LTF: variants seen among roughly 807,000 people sequenced by gnomAD.
The protein encoded by LTF is lactotransferrin.
A neutral mutation model predicts 87.2 loss-of-function variants in LTF; 91 were observed. That is an observed-to-expected ratio of 1.04 (90% confidence interval 0.88 to 1.24). LTF has a LOEUF of 1.24. Among genes scored for constraint, LTF ranks in the 50% most tolerant of loss-of-function variants. The pLI is 0.00. For missense variants in LTF, 901 were observed against 904.3 expected, an observed-to-expected ratio of 1.00 and a Z score of 0.05; for synonymous variants, 378 against 356.1, an observed-to-expected ratio of 1.06 and a Z score of -0.69.
chr3:46,450,498 T>G lies in LTF; in HGVS notation c.879A>C (p.Ala293=), dbSNP rs1479686755. 2 of 1,609,976 alleles carry G rather than the reference T, an allele frequency of 1.2e-6. No individual in the cohort carries two copies. The highest frequency in any genetic ancestry group is 3.4e-5 in the Admixed American group (2 of 59,628). The change falls in exon 7 of 17, where the codon GCA becomes GCC. Residue 293 remains alanine (A), a synonymous_variant. Transcript: ENST00000231751. The part of the protein sequence containing the change: ...EDAIWNLLRQ[A]QEKFGKDKSP... ...GGAGGACCGTGGGTGAAGATACCTGTGCCTGGCGGAGAAGATTCCAGATGG... is the reference window on the plus strand; with the variant it reads ...GGAGGACCGTGGGTGAAGATACCTGGGCCTGGCGGAGAAGATTCCAGATGG...
chr3:46,446,332 T>C, intron 11 of LTF, 108 bp downstream of exon 11: 1 of 816,784 alleles, frequency 1.2e-6, no homozygotes. Flanking sequence ...AGAAGCCCTA[T>C]AGCTTCTAGG....
intron 1 of LTF, among the ~76,000 whole-genome samples, chr3:46,462,442 G>A (rs1703106551): frequency 6.6e-6 from 1 of 152,152 alleles, no homozygotes; most frequent in South Asian, 2.1e-4. Flanking sequence ...TGTGGCTTGT[G>A]GAAGTTCCCA....
rs145365157 is a variant in LTF, at chr3:46,450,289, C to T, written c.882+206G>A. On this transcript the variant is annotated intron_variant, in intron 7 of 16. Transcript: ENST00000231751. ...GACCACCCCCTGCTTCTGCTCCCAT[C>T]ATAAGACGCTGTCAGCCCGTGTGAC... Among the ~76,000 whole-genome samples the T allele has an allele frequency of 3.9e-3, 590 of 152,240 alleles. 1 individual carries two copies. The highest frequency in any genetic ancestry group is 0.037 in the Middle Eastern group (11 of 294).
rs1702377545 is a variant in LTF, at chr3:46,436,040, T to A, written c.*155A>T. ...ATATCAACAAAATTTCTCATTTTAC[T>A]TCTTGCTAAGACGACAGCAGGGAAT... On this transcript the variant is annotated 3_prime_UTR_variant, in exon 17 of 17. Coordinates refer to ENST00000231751, the MANE Select transcript of LTF (RefSeq NM_002343.6). 1.0e-5 allele frequency: 7 copies of A among 688,152 alleles called. No individual in the cohort carries two copies. The South Asian group carries it at 1.2e-4, about 12-fold the overall frequency. 42.6% of individuals were successfully genotyped at this position (688,152 alleles called of 1,614,324 possible). A position where few individuals can be genotyped will look rare whatever the true frequency, so the allele number is the denominator to read the frequency against.
At chr3:46,456,442 C>A in intron 2 of LTF, 44 bp from the exon 3 acceptor site, 1 of 1,534,766 alleles carries the variant, frequency 6.5e-7, no homozygotes, top group South Asian at 1.1e-5. Flanking sequence ...AAAACTCACC[C>A]AAACCCAGCA....
upstream of LTF, among the ~76,000 whole-genome samples, chr3:46,467,445 A>G (rs1373221588): frequency 6.6e-6 from 1 of 151,976 alleles, no homozygotes; most frequent in Admixed American, 6.6e-5. Flanking sequence ...AGGGCTCCAG[A>G]AGAACTCCAG....
intron 1 of LTF, chr3:46,463,558 A>G (rs1703139075): frequency 1.0e-6 from 1 of 985,424 alleles, no homozygotes; most frequent in Non-Finnish European, 1.2e-6. Context: ...GGTACAAGCC[A>G]CCATCCCAAT....
Position 46,464,807 on chromosome 3 carries a change from C to G in LTF, c.43+18G>C, listed in dbSNP as rs751406002. The G allele has an allele frequency of 3.7e-6, 6 of 1,613,888 alleles. No homozygotes were observed. Among genetic ancestry groups the G allele is most frequent in the East Asian group, 2.2e-5 (1 of 44,864 alleles). ...GACGCCCATCAGGCGGCTCGCGCCC[C>G]CAGGCACCTGCACTCACCGAGGGCC... On this transcript the variant is annotated intron_variant, in intron 1 of 16. Transcript: ENST00000231751.
At chr3:46,441,333 C>T in intron 14 of LTF, 83 bp downstream of exon 14, 1 of 1,136,116 alleles carries the variant, frequency 8.8e-7, no homozygotes, top group Non-Finnish European at 1.3e-6. Flanking sequence ...ATAAAACCTT[C>T]CCAAAGGCAA....
Position 46,460,531 on chromosome 3 carries a change from T to TA in LTF, c.44-713dup, listed in dbSNP as rs547268513. On this transcript the variant is annotated intron_variant, in intron 1 of 16. Transcript: ENST00000231751. ...CCTGCTTTTGTTGCTCAAATCCATG[T>TA]AATTAGGGAGGAAGATGCATTGAAT... 4.0e-5 allele frequency: 18 copies of TA among 454,376 alleles called. No individual in the cohort carries two copies. The East Asian group carries it at 1.3e-3, about 32-fold the overall frequency. 28.1% of individuals were successfully genotyped at this position (454,376 alleles called of 1,614,324 possible).
chr3:46,437,577 C>T lies in LTF; in HGVS notation c.2098+363G>A, dbSNP rs138980263. Among the ~76,000 whole-genome samples, 1,492 of 152,220 alleles carry T rather than the reference C, an allele frequency of 9.8e-3. 28 individuals are homozygous for T. Among genetic ancestry groups the T allele is most frequent in the African/African-American group, 0.033 (1,391 of 41,536 alleles). ...GGCTCAAGCCATCCTCCCACCTCTGCTTCCCAAGGTGGTGGGATGACAGGT... is the reference window on the plus strand; with the variant it reads ...GGCTCAAGCCATCCTCCCACCTCTGTTTCCCAAGGTGGTGGGATGACAGGT... On this transcript the variant is annotated intron_variant, in intron 16 of 16. Transcript: ENST00000231751.
intron 1 of LTF, among the ~76,000 whole-genome samples, chr3:46,471,650 C>G (rs999639179): frequency 1.3e-5 from 2 of 152,216 alleles, no homozygotes; most frequent in Admixed American, 6.5e-5. Flanking sequence ...AGCGGGCCAC[C>G]CGATGGCCCC....
intron 13 of LTF, among the ~76,000 whole-genome samples, chr3:46,443,172 C>A (rs1476556605): frequency 6.6e-6 from 1 of 152,218 alleles, no homozygotes; most frequent in Non-Finnish European, 1.5e-5. Context: ...CAGGACGAGG[C>A]TATTGAGGCC....
intron 16 of LTF, among the ~76,000 whole-genome samples, chr3:46,437,552 G>A (rs768016787): frequency 6.6e-6 from 1 of 151,782 alleles, no homozygotes; most frequent in African/African-American, 2.4e-5. Context: ...CAAACTCCCG[G>A]GCTCAAGCCA....
At chr3:46,460,673 C>G (rs1414532219) in intron 1 of LTF, 2 of 440,790 alleles carry the variant, frequency 4.5e-6, no homozygotes, top group Non-Finnish European at 9.1e-6. Flanking sequence ...GAGAGAGTGT[C>G]CACACTCAAC....
intron 1 of LTF, among the ~76,000 whole-genome samples, chr3:46,464,074 G>A (rs565425983): frequency 3.0e-4 from 45 of 152,204 alleles, no homozygotes; most frequent in Non-Finnish European, 5.0e-4. Flanking sequence ...CCTTTCTGCT[G>A]CGGCCTGGGA....
chr3:46,439,512 G>T, intron 14 of LTF, 32 bp from the exon 15 acceptor site: 16 of 1,563,706 alleles, frequency 1.0e-5, no homozygotes, highest in Non-Finnish European at 1.4e-5. Flanking sequence ...CATCATCCAC[G>T]CCTCCCCTGC....
At chr3:46,444,296 C>A (rs1360675936) in intron 12 of LTF, among the ~76,000 whole-genome samples, 1 of 152,186 alleles carries the variant, frequency 6.6e-6, no homozygotes, top group Non-Finnish European at 1.5e-5. Context: ...TTCATACCAG[C>A]CCTAGGCAAA....
Position 46,454,370 on chromosome 3 carries a change from G to C in LTF, c.648-10C>G, listed in dbSNP as rs1005017666. The C allele has an allele frequency of 6.2e-7, 1 of 1,613,772 alleles. No homozygotes were observed. Among genetic ancestry groups the C allele is most frequent in the Non-Finnish European group, 8.5e-7 (1 of 1,179,770 alleles). Reference sequence around the variant, plus strand: ...CCCGTCTCTCAGACACCTGTGAAAAGAGAAACCATCAGGGGTAAGCACAGG... The same window carrying C: ...CCCGTCTCTCAGACACCTGTGAAAACAGAAACCATCAGGGGTAAGCACAGG... On this transcript the variant is annotated splice_polypyrimidine_tract_variant and intron_variant, in intron 5 of 16. Transcript: ENST00000231751.
Sources: allele counts gnomAD v4.1 joint callset (sites outside exome capture counted in the v4.1 genomes callset), GRCh38; gene constraint gnomAD v4.1.1; transcripts MANE v1.5; gene names NCBI Gene and HGNC (gene_info 2026-07-23, HGNC 2026-07-21).